Variants in SCML2 observed in about 807,000 individuals in gnomAD.
SCML2 encodes Scm polycomb group protein like 2, also known as sex comb on midleg-like protein 2.
A neutral mutation model predicts 48.4 loss-of-function variants in SCML2; 6 were observed. The ratio of observed to expected loss-of-function variants is 0.12; its 90% CI spans 0.07 to 0.24. The LOEUF (loss-of-function observed/expected upper bound fraction) is 0.24, where lower values mean the gene tolerates loss of function less well. SCML2 is among the 10% of genes least tolerant of loss of function. The pLI is 1.00. For missense variants in SCML2, 377 were observed against 528.2 expected (o/e 0.71, Z 2.81); for synonymous variants, 181 against 189.5 (o/e 0.95, Z 0.37).
At chrX:18,263,347 G>A (rs1265832703) in intron 8 of SCML2, among the ~76,000 whole-genome samples, 2 of 111,380 alleles carry the variant, frequency 1.8e-5, no homozygotes, top group African/African-American at 6.5e-5. Flanking sequence ...ATTGTAATTA[G>A]TTATAAATAG....
chrX:18,255,197 C>T (rs892518531), intron 11 of SCML2, among the ~76,000 whole-genome samples: 1 of 112,099 alleles, frequency 8.9e-6, no homozygotes, highest in Non-Finnish European at 1.9e-5. Context: ...TTTTATTGCT[C>T]CTACTTCATG....
chrX:18,269,256 G>C (rs1927364369), intron 7 of SCML2, among the ~76,000 whole-genome samples: 1 of 111,656 alleles, frequency 9.0e-6, no homozygotes, highest in African/African-American at 3.3e-5. Flanking sequence ...TGTCAAGGGA[G>C]AGACCAGGTG....
At chrX:18,314,536 C>T (rs774698088) in intron 6 of SCML2, among the ~76,000 whole-genome samples, 13 of 112,058 alleles carry the variant, frequency 1.2e-4, no homozygotes, top group East Asian at 2.8e-4. Context: ...GTCATCACTA[C>T]TCAAATTTCC....
At chrX:18,249,631 G>A (rs1426529556) in intron 11 of SCML2, among the ~76,000 whole-genome samples, 1 of 111,390 alleles carries the variant, frequency 9.0e-6, no homozygotes, top group African/African-American at 3.3e-5. Context: ...AAGCTTAAAA[G>A]GAAAAACTGG....
intron 7 of SCML2, among the ~76,000 whole-genome samples, chrX:18,291,225 C>A (rs944209560): frequency 9.0e-6 from 1 of 111,472 alleles, no homozygotes; most frequent in Non-Finnish European, 1.9e-5. Context: ...GTGAGTAAAT[C>A]TGATGAGCTG....
At chrX:18,298,521 T>G (rs1277210464) in intron 7 of SCML2, among the ~76,000 whole-genome samples, 2 of 112,343 alleles carry the variant, frequency 1.8e-5, no homozygotes, top group Non-Finnish European at 3.8e-5. Flanking sequence ...GGACACCGTT[T>G]TCAATAAACA....
rs1243713649 is a variant in SCML2 at position 18,241,053 on chromosome X, G to A, written c.*198C>T. 1.2e-5 allele frequency: 3 copies of A among 255,965 alleles called. No homozygotes were observed. Among genetic ancestry groups the A allele is most frequent in the Non-Finnish European group, 2.1e-5 (3 of 143,132 alleles). The allele number at this position is 255,965 out of a possible 1,213,427, so 21.1% of individuals were successfully genotyped here. ...TAAAGAAGTAGACTGGGGGAGTGGC[G>A]GCTGTGTCTCCCAAAGCTGGTTGGT... On this transcript the variant is annotated 3_prime_UTR_variant, in exon 15 of 15. Transcript: ENST00000251900.
intron 6 of SCML2, among the ~76,000 whole-genome samples, chrX:18,311,329 C>T (rs1928941365): frequency 9.0e-6 from 1 of 111,700 alleles, no homozygotes; most frequent in Non-Finnish European, 1.9e-5. Context: ...CACTTACATG[C>T]TAGTGAGGAG....
intron 6 of SCML2, among the ~76,000 whole-genome samples, chrX:18,319,261 C>T (rs777623606): frequency 3.6e-5 from 4 of 111,048 alleles, no homozygotes; most frequent in Admixed American, 9.6e-5. Flanking sequence ...TGTAGTGGCA[C>T]GCGCCTGTAA....
chrX:18,328,399 A>T (rs972872986), intron 3 of SCML2, among the ~76,000 whole-genome samples: 2 of 111,823 alleles, frequency 1.8e-5, no homozygotes, highest in African/African-American at 6.5e-5. Context: ...GGCTGGGTGC[A>T]GTGGCTCACA....
At chrX:18,277,144 C>G (rs1201172307) in intron 7 of SCML2, among the ~76,000 whole-genome samples, 1 of 111,612 alleles carries the variant, frequency 9.0e-6, no homozygotes, top group Non-Finnish European at 1.9e-5. Context: ...GATCATGGCT[C>G]ACTGCAGCCT....
intron 7 of SCML2, among the ~76,000 whole-genome samples, chrX:18,287,169 C>T (rs773969105): frequency 5.5e-4 from 62 of 111,872 alleles, no homozygotes; most frequent in African/African-American, 2.0e-3. Context: ...TAATAAAAAG[C>T]AATTCCGACA....
chrX:18,323,928 C>T lies in SCML2; in HGVS notation c.328G>A (p.Val110Ile), dbSNP rs1929398910. ...ACAGGTTGTATGTCTGGGGAATCGA[C>T]AAGCCTCCAAAAATCATTTCTGTTG... The part of the protein sequence containing the change: ...SDNRNDFWRL[V>I]DSPDIQPVGT... Residue 110 changes from valine (V) to isoleucine (I), a missense_variant, in exon 5 of 15, where the codon GTC becomes ATC. Val to Ile is a conservative substitution (Grantham distance 29). Around this residue, in one of 3 missense-constraint regions of SCML2, gnomAD observed 17 missense variants for 42.8 expected, o/e 0.40. Coordinates refer to ENST00000251900, the MANE Select transcript of SCML2 (RefSeq NM_006089.3). The T allele has an allele frequency of 2.5e-6, 3 of 1,211,399 alleles. No individual in the cohort carries two copies. Among genetic ancestry groups the T allele is most frequent in the Middle Eastern group, 2.3e-4 (1 of 4,356 alleles).
intron 8 of SCML2, 46 bp downstream of exon 8, chrX:18,265,539 G>A (rs766784632): frequency 2.8e-5 from 27 of 951,393 alleles, no homozygotes; most frequent in Non-Finnish European, 1.5e-6. Context: ...AAATAATAAG[G>A]CACTATAAAA....
chrX:18,334,222 T>A (rs1406725925), intron 1 of SCML2, 127 bp from the exon 2 acceptor site: 1 of 423,270 alleles, frequency 2.4e-6, no homozygotes, highest in Non-Finnish European at 4.0e-6. Context: ...GATTTGTATA[T>A]GCCTAGTTGC....
intron 7 of SCML2, among the ~76,000 whole-genome samples, chrX:18,290,785 G>A (rs1050349619): frequency 4.5e-5 from 5 of 111,256 alleles, no homozygotes; most frequent in Non-Finnish European, 9.4e-5. Flanking sequence ...AGAAAAATAA[G>A]AGATTTTAAA....
intron 6 of SCML2, among the ~76,000 whole-genome samples, chrX:18,306,914 C>G (rs1928774874): frequency 9.0e-6 from 1 of 110,841 alleles, no homozygotes; most frequent in African/African-American, 3.3e-5. Context: ...AGTAATCCTC[C>G]CACCTCAGCC....
intron 6 of SCML2, among the ~76,000 whole-genome samples, chrX:18,313,742 A>G (rs868225542): frequency 2.1e-4 from 23 of 112,029 alleles, no homozygotes; most frequent in South Asian, 3.7e-4. Context: ...TAGCCTCACT[A>G]TATGTTTGTT....
chrX:18,258,192 T>C lies in SCML2; in HGVS notation c.1125A>G (p.Arg375=). The C allele has an allele frequency of 8.3e-7, 1 of 1,211,395 alleles. No individual in the cohort carries two copies. Among genetic ancestry groups the C allele is most frequent in the South Asian group, 1.8e-5 (1 of 56,983 alleles). ...GNFGPHLDPK[R]IQQLPDHFGP... is the part of the protein sequence containing the mutation. ...CGAAGTGGTCAGGCAGCTGCTGGAT[T>C]CTCTTGGGATCCAGATGAGGGCCAA... is the stretch of plus-strand genomic sequence containing the variant. Residue 375 remains arginine (R), a synonymous_variant, in exon 10 of 15, where the codon AGA becomes AGG. Transcript: ENST00000251900.
Sources: allele counts gnomAD v4.1 joint callset (sites outside exome capture counted in the v4.1 genomes callset), GRCh38; gene constraint gnomAD v4.1.1; regional missense constraint gnomAD v4.1.1; transcripts MANE v1.5; gene names NCBI Gene and HGNC (gene_info 2026-07-23, HGNC 2026-07-21).